The following TMPRSS15 variants were observed in gnomAD, a reference collection of about 807,000 sequenced individuals.
TMPRSS15 encodes the protein transmembrane serine protease 15, also known as enteropeptidase.
TMPRSS15 carries 128 observed loss-of-function variants against 125.3 expected under a neutral mutation model. That is an observed-to-expected ratio of 1.02 (90% CI 0.89 to 1.18). TMPRSS15 has a LOEUF of 1.18. Ranked by LOEUF, TMPRSS15 falls within the 50% of genes most tolerant of loss-of-function variation. TMPRSS15 has a pLI of 0.00. For missense variants in TMPRSS15, 1,283 were observed against 1,212.7 expected (o/e 1.06, Z -0.86); for synonymous variants, 446 against 423.2 (o/e 1.05, Z -0.66).
chr21:18,326,542 T>A lies in TMPRSS15; in HGVS notation c.1811A>T (p.Asp604Val), dbSNP rs1226942183. The A allele has an allele frequency of 1.2e-6, 2 of 1,614,094 alleles. No homozygotes were observed. The highest frequency in any genetic ancestry group is 3.3e-5 in the Admixed American group (2 of 60,020). ...AVYTGPGPVK[D>V]VFSTTNRMTV... Reference sequence around the variant, plus strand: ...CATTCTGTTGGTGGTAGAGAACACATCCTTTACTGGGCCAGGCCCTGTGTA... The same window carrying A: ...CATTCTGTTGGTGGTAGAGAACACAACCTTTACTGGGCCAGGCCCTGTGTA... The change falls in exon 16 of 25, where the codon GAT becomes GTT. Residue 604 changes from aspartate (D) to valine (V), a missense_variant. Asp to Val is a radical substitution (Grantham distance 152). Coordinates refer to ENST00000284885, the MANE Select transcript of TMPRSS15 (RefSeq NM_002772.3).
intron 7 of TMPRSS15, among the ~76,000 whole-genome samples, 185 bp downstream of exon 7, chr21:18,364,955 C>T (rs1456261353): frequency 6.6e-6 from 1 of 152,082 alleles, no homozygotes; most frequent in Non-Finnish European, 1.5e-5. Context: ...GTTCATAGCA[C>T]AGAATAGCTT....
intron 4 of TMPRSS15, among the ~76,000 whole-genome samples, chr21:18,381,501 C>A (rs1475982554): frequency 6.6e-6 from 1 of 152,046 alleles, no homozygotes; most frequent in Non-Finnish European, 1.5e-5. Context: ...CTACAATTAA[C>A]TTGGTACCGT....
intron 18 of TMPRSS15, among the ~76,000 whole-genome samples, chr21:18,310,508 G>A (rs1026799175): frequency 6.6e-6 from 1 of 151,848 alleles, no homozygotes; most frequent in African/African-American, 2.4e-5. Context: ...CCAAGGAGTT[G>A]AAAGACCTCT....
chr21:18,349,928 T>C (rs536202076), intron 10 of TMPRSS15, among the ~76,000 whole-genome samples: 1 of 152,316 alleles, frequency 6.6e-6, no homozygotes, highest in South Asian at 2.1e-4. Context: ...AGTTACTTTA[T>C]CTCTTATTAG....
At chr21:18,313,153 G>T in intron 17 of TMPRSS15, 76 bp from the exon 18 acceptor site, 1 of 989,544 alleles carries the variant, frequency 1.0e-6, no homozygotes, top group Non-Finnish European at 1.6e-6. Flanking sequence ...CGTTCAAAGA[G>T]TACAGAGCTT....
In TMPRSS15 at chr21:18,315,165, G is replaced by A. The variant is rs765450009; in HGVS notation, c.2013C>T (p.Gly671=). 8 of 1,613,260 alleles carry A rather than the reference G, an allele frequency of 5.0e-6. No homozygotes were observed. The highest frequency in any genetic ancestry group is 5.9e-6 in the Non-Finnish European group (7 of 1,179,716). Residue 671 remains glycine, a synonymous_variant, in exon 17 of 25, where the codon GGC becomes GGT. Transcript: ENST00000284885. ...LCDGHLHCED[G]SDEADCVRFF... ...ACATACCACAATCTGCTTCATCTGAGCCATCCTCACAGTGCAGATGACCGT... is the reference window on the plus strand; with the variant it reads ...ACATACCACAATCTGCTTCATCTGAACCATCCTCACAGTGCAGATGACCGT...
intron 10 of TMPRSS15, among the ~76,000 whole-genome samples, chr21:18,345,975 C>T (rs62214963): frequency 0.054 from 8,179 of 151,548 alleles, 274 homozygotes; most frequent in Middle Eastern, 0.099. Context: ...AAATATGATG[C>T]TATGATTTCT....
chr21:18,348,763 A>G (rs1242562389), intron 10 of TMPRSS15, among the ~76,000 whole-genome samples: 1 of 152,198 alleles, frequency 6.6e-6, no homozygotes, highest in Non-Finnish European at 1.5e-5. Context: ...TTCCTCCCCA[A>G]CATATGACTT....
intron 3 of TMPRSS15, among the ~76,000 whole-genome samples, chr21:18,388,709 A>G (rs1285475900): frequency 6.6e-6 from 1 of 152,210 alleles, no homozygotes; most frequent in East Asian, 1.9e-4. Context: ...ACAAAACTAG[A>G]AAAGAGAAAT....
intron 3 of TMPRSS15, among the ~76,000 whole-genome samples, chr21:18,395,047 G>A (rs752445878): frequency 2.2e-4 from 33 of 151,980 alleles, no homozygotes; most frequent in Admixed American, 7.2e-4. Flanking sequence ...TAAAGTTAAC[G>A]AACACTTTAA....
At chr21:18,402,606 T>C (rs1483996517) in intron 1 of TMPRSS15, among the ~76,000 whole-genome samples, 4 of 151,768 alleles carry the variant, frequency 2.6e-5, no homozygotes, top group African/African-American at 9.7e-5. Context: ...TGTAAAAAAT[T>C]GTTTTTAAGA....
At chr21:18,272,267 A>T (rs2074566757) in intron 24 of TMPRSS15, among the ~76,000 whole-genome samples, 1 of 152,152 alleles carries the variant, frequency 6.6e-6, no homozygotes. Context: ...TCTGACTGGC[A>T]TGAGATGGTA....
At chr21:18,440,367 C>A (rs1029533630) in intron 1 of TMPRSS15, among the ~76,000 whole-genome samples, 3 of 16,316 alleles carry the variant, frequency 1.8e-4, no homozygotes, top group Non-Finnish European at 2.9e-4. Flanking sequence ...AGCGAAACTC[C>A]GTCTCAAAAA....
intron 1 of TMPRSS15, among the ~76,000 whole-genome samples, chr21:18,409,834 C>T (rs1384984871): frequency 1.7e-5 from 2 of 120,758 alleles, no homozygotes; most frequent in Non-Finnish European, 3.5e-5. Context: ...CCCTTCACCC[C>T]TCCCTCCTTT....
Position 18,381,482 on chromosome 21 carries a change from C to G in TMPRSS15, c.496+2145G>C, listed in dbSNP as rs542607569. ...TCACATGATACAAATGGATATTAAA[C>G]TGAAATACCTACAATTAACTTGGTA... On this transcript the variant is annotated intron_variant, in intron 4 of 24. Transcript: ENST00000284885. Among the ~76,000 whole-genome samples, 19 of 152,108 alleles carry G rather than the reference C, an allele frequency of 1.2e-4. No homozygotes were observed. In the South Asian group the frequency reaches 3.7e-3, roughly 30 times the overall value.
At chr21:18,377,787 C>A (rs1167709093) in intron 5 of TMPRSS15, among the ~76,000 whole-genome samples, 2 of 152,124 alleles carry the variant, frequency 1.3e-5, no homozygotes, top group East Asian at 1.9e-4. Flanking sequence ...TTCTGCTCCA[C>A]TCATCAGGAG....
chr21:18,284,177 A>G (rs1366565800), intron 21 of TMPRSS15, among the ~76,000 whole-genome samples: 2 of 152,166 alleles, frequency 1.3e-5, no homozygotes, highest in African/African-American at 2.4e-5. Context: ...CTTTCCTTCA[A>G]AGAGAAAGGC....
chr21:18,354,715 A>G (rs773293008), intron 8 of TMPRSS15, among the ~76,000 whole-genome samples: 6 of 151,800 alleles, frequency 4.0e-5, no homozygotes, highest in Non-Finnish European at 8.8e-5. Context: ...GCTGTTAGAA[A>G]AAAACAAGGC....
chr21:18,389,946 C>A (rs2075977112), intron 3 of TMPRSS15, among the ~76,000 whole-genome samples: 1 of 152,122 alleles, frequency 6.6e-6, no homozygotes, highest in Non-Finnish European at 1.5e-5. Context: ...CTACCAGTCC[C>A]CTATGACTTT....
Sources: allele counts gnomAD v4.1 joint callset (sites outside exome capture counted in the v4.1 genomes callset), GRCh38; gene constraint gnomAD v4.1.1; transcripts MANE v1.5; gene names NCBI Gene and HGNC (gene_info 2026-07-23, HGNC 2026-07-21).